STAG1: variants seen among roughly 807,000 people sequenced by gnomAD.
The protein encoded by STAG1 is cohesin subunit SA-1.
A neutral mutation model predicts 170.9 loss-of-function variants in STAG1; 26 were observed. The observed-to-expected ratio is 0.15, with a 90% CI of 0.11 to 0.21. The LOEUF is 0.21. Ranked by LOEUF, STAG1 falls within the 10% of genes least tolerant of loss-of-function variation. STAG1 has a pLI of 1.00. For synonymous variants in STAG1, 514 were observed against 497.7 expected, an observed-to-expected ratio of 1.03 and a Z score of -0.44; for missense variants, 964 against 1,509.5, an observed-to-expected ratio of 0.64 and a Z score of 5.99.
At chr3:136,558,590 TCAA>T (rs1936716538) in intron 5 of STAG1, among the ~76,000 whole-genome samples, 1 of 152,158 alleles carries the variant, frequency 6.6e-6, no homozygotes, top group Non-Finnish European at 1.5e-5. Flanking sequence ...GTAATCCTAC[TCAA>T]CAACATAAAA....
At chr3:136,696,262 A>G (rs1270067119) in intron 1 of STAG1, among the ~76,000 whole-genome samples, 1 of 151,500 alleles carries the variant, frequency 6.6e-6, no homozygotes, top group African/African-American at 2.4e-5. Context: ...AAGTTTATAC[A>G]AGGTCATTTT....
chr3:136,654,748 A>C (rs1425015512), intron 1 of STAG1, among the ~76,000 whole-genome samples: 1 of 152,210 alleles, frequency 6.6e-6, no homozygotes, highest in African/African-American at 2.4e-5. Context: ...CCTACTTTCA[A>C]AACTTACCTC....
At chr3:136,706,703 G>GAT (rs1186214259) in intron 1 of STAG1, among the ~76,000 whole-genome samples, 1 of 152,096 alleles carries the variant, frequency 6.6e-6, no homozygotes, top group Admixed American at 6.6e-5. Flanking sequence ...TGCAAAAATG[G>GAT]AAAGTCCAAT....
intron 2 of STAG1, 39 bp from the exon 3 acceptor site, chr3:136,623,287 A>T: frequency 2.6e-6 from 4 of 1,567,680 alleles, no homozygotes; most frequent in Non-Finnish European, 3.5e-6. Flanking sequence ...CAAATTAATA[A>T]GTATAATGCA....
intron 9 of STAG1, among the ~76,000 whole-genome samples, chr3:136,478,396 CA>C (rs1206343407): frequency 3.3e-5 from 5 of 152,154 alleles, no homozygotes; most frequent in Non-Finnish European, 1.5e-5. Context: ...TAAACAAATA[CA>C]ATGTTAACAC....
At chr3:136,426,002 T>G (rs1161705226) in intron 16 of STAG1, among the ~76,000 whole-genome samples, 1 of 151,622 alleles carries the variant, frequency 6.6e-6, no homozygotes, top group Non-Finnish European at 1.5e-5. Context: ...GGGAAATCCT[T>G]GTACATTTGT....
At chr3:136,540,961 G>GT (rs1935874642) in intron 6 of STAG1, among the ~76,000 whole-genome samples, 1 of 147,058 alleles carries the variant, frequency 6.8e-6, no homozygotes, top group African/African-American at 2.5e-5. Flanking sequence ...CTTTATTTCT[G>GT]TTTTTATCTC....
intron 9 of STAG1, among the ~76,000 whole-genome samples, chr3:136,485,436 G>T (rs970075809): frequency 4.6e-5 from 7 of 152,044 alleles, no homozygotes; most frequent in African/African-American, 9.7e-5. Context: ...CAGCCTGGGT[G>T]ACAGAGTGAG....
At chr3:136,375,126 T>C (rs570247427) in intron 23 of STAG1, among the ~76,000 whole-genome samples, 4 of 152,222 alleles carry the variant, frequency 2.6e-5, no homozygotes, top group African/African-American at 9.6e-5. Context: ...AATGATGAAA[T>C]TGCCTAACAA....
chr3:136,361,302 A>C (rs1936854258), intron 26 of STAG1, among the ~76,000 whole-genome samples: 1 of 152,174 alleles, frequency 6.6e-6, no homozygotes, highest in African/African-American at 2.4e-5. Flanking sequence ...AGCTCAGTTT[A>C]TTTAACCATT....
At chr3:136,539,082 C>T (rs549247429) in intron 6 of STAG1, among the ~76,000 whole-genome samples, 32 of 151,014 alleles carry the variant, frequency 2.1e-4, no homozygotes, top group African/African-American at 6.8e-4. Flanking sequence ...TGCAGTGAGC[C>T]GAGATTGCAT....
chr3:136,653,578 A>C (rs992205039), intron 1 of STAG1, among the ~76,000 whole-genome samples: 1 of 152,190 alleles, frequency 6.6e-6, no homozygotes, highest in African/African-American at 2.4e-5. Context: ...AATCCTCACC[A>C]AAAGGGTGGG....
intron 1 of STAG1, among the ~76,000 whole-genome samples, chr3:136,688,235 G>A (rs541654020): frequency 3.3e-5 from 5 of 152,180 alleles, no homozygotes; most frequent in Admixed American, 6.5e-5. Context: ...AGGGACTGGC[G>A]ACAGGGAGCA....
intron 16 of STAG1, among the ~76,000 whole-genome samples, chr3:136,424,186 C>T (rs1391498062): frequency 6.6e-6 from 1 of 152,034 alleles, no homozygotes; most frequent in African/African-American, 2.4e-5. Flanking sequence ...CTGTGTTTAC[C>T]TCTGCACAAA....
intron 1 of STAG1, among the ~76,000 whole-genome samples, chr3:136,672,433 T>G (rs538651069): frequency 2.0e-5 from 3 of 152,230 alleles, no homozygotes; most frequent in Non-Finnish European, 4.4e-5. Context: ...GTGACCAATT[T>G]TGTCTGTATA....
At chr3:136,399,974 G>A (rs1478400164) in intron 21 of STAG1, among the ~76,000 whole-genome samples, 1 of 151,950 alleles carries the variant, frequency 6.6e-6, no homozygotes, top group Non-Finnish European at 1.5e-5. Context: ...TCAGGCTGGA[G>A]TGCAGTGGTG....
At chr3:136,432,835 C>T (rs1401544951) in intron 16 of STAG1, among the ~76,000 whole-genome samples, 3 of 152,182 alleles carry the variant, frequency 2.0e-5, no homozygotes, top group Admixed American at 1.3e-4. Flanking sequence ...GGTTTTTGCA[C>T]GCAGTGCCAC....
intron 2 of STAG1, among the ~76,000 whole-genome samples, chr3:136,624,610 TTATTG>T (rs1444054315): frequency 1.3e-5 from 2 of 152,252 alleles, no homozygotes; most frequent in African/African-American, 4.8e-5. Flanking sequence ...CAATTTTTTG[TTATTG>T]TATTGTAATG....
chr3:136,584,781 G>GT (rs1436380524), intron 4 of STAG1, among the ~76,000 whole-genome samples: 2 of 152,096 alleles, frequency 1.3e-5, no homozygotes, highest in African/African-American at 4.8e-5. Context: ...TCTTAATTAT[G>GT]TTTTTTCAGG....
Sources: gnomAD v4.1 joint callset for allele counts (sites outside exome capture counted in the v4.1 genomes callset) on GRCh38, gnomAD v4.1.1 for gene constraint, MANE v1.5 for transcripts, NCBI Gene and HGNC (gene_info 2026-07-23, HGNC 2026-07-21) for gene names.